ZNF740: variants seen among roughly 807,000 people sequenced by gnomAD.
The protein encoded by ZNF740 is zinc finger protein 740, also known as oriLyt TD-element-binding protein 7.
A neutral mutation model predicts 24.8 loss-of-function variants in ZNF740; 14 were observed. The observed-to-expected ratio is 0.56, with a 90% CI of 0.37 to 0.88. The LOEUF (loss-of-function observed/expected upper bound fraction) is 0.88. ZNF740 is among the 40% of genes least tolerant of loss of function. ZNF740 has a pLI of 0.00. For missense variants in ZNF740, 201 were observed against 247.9 expected, an observed-to-expected ratio of 0.81 and a Z score of 1.27; for synonymous variants, 69 against 84.0, an observed-to-expected ratio of 0.82 and a Z score of 0.98.
chr12:53,185,250 G>A lies in ZNF740; in HGVS notation c.160-137G>A, dbSNP rs1030162057. Reference sequence around the variant, plus strand: ...CTTTTAAGACCAGGTGCTTGGAGAGGAAATAGTTGTATACTTCCTCTAAGC... The same window carrying A: ...CTTTTAAGACCAGGTGCTTGGAGAGAAAATAGTTGTATACTTCCTCTAAGC... On this transcript the variant is annotated intron_variant, in intron 3 of 6. Transcript: ENST00000416904. 7 of 1,162,780 alleles carry A rather than the reference G, an allele frequency of 6.0e-6. No individual in the cohort carries two copies. The South Asian group carries it at 1.1e-4, about 18-fold the overall frequency. 72.0% of individuals were successfully genotyped at this position (1,162,780 alleles called of 1,614,324 possible).
In ZNF740 at chr12:53,194,186, GCT is replaced by G; in HGVS notation, c.*6597_*6598del. On this transcript the variant is annotated 3_prime_UTR_variant, in exon 7 of 7. Coordinates refer to ENST00000416904, the MANE Select transcript of ZNF740 (RefSeq NM_001004304.4). ...CCCTGCCCGCCTTCTGCCTGTGCTTGCTGGCTCTCACCGTCTGGTTGATTCGG... is the reference window on the plus strand; with the variant it reads ...CCCTGCCCGCCTTCTGCCTGTGCTTGGGCTCTCACCGTCTGGTTGATTCGG... 6.2e-7 allele frequency: 1 copy of G among 1,613,842 alleles called. No homozygotes were observed. Among genetic ancestry groups the G allele is most frequent in the Non-Finnish European group, 8.5e-7 (1 of 1,179,882 alleles).
chr12:53,190,959 A>G lies in ZNF740; in HGVS notation c.*3369A>G, dbSNP rs570415948. 3 of 156,552 alleles carry G rather than the reference A, an allele frequency of 1.9e-5. No individual in the cohort carries two copies. The highest frequency in any genetic ancestry group is 4.8e-5 in the African/African-American group (2 of 41,420). 9.7% of individuals were successfully genotyped at this position (156,552 alleles called of 1,614,324 possible). A position where few individuals can be genotyped will look rare whatever the true frequency, so the allele number is the denominator to read the frequency against. ...ATCACCCCACAACTTCCAGCACCCTATAAGCCATTTTAAAACCCCTTCTCC... is the reference window on the plus strand; with the variant it reads ...ATCACCCCACAACTTCCAGCACCCTGTAAGCCATTTTAAAACCCCTTCTCC... On this transcript the variant is annotated 3_prime_UTR_variant, in exon 7 of 7. Transcript: ENST00000416904.
In ZNF740 at chr12:53,192,237, C is replaced by G. The variant is rs1330911802; in HGVS notation, c.*4647C>G. The G allele has an allele frequency of 7.2e-7, 1 of 1,390,320 alleles. No individual in the cohort carries two copies. Among genetic ancestry groups the G allele is most frequent in the Non-Finnish European group, 1.0e-6 (1 of 994,212 alleles). 86.1% of individuals were successfully genotyped at this position (1,390,320 alleles called of 1,614,324 possible). ...TGGATTCACAGTTCTGCTTCAGCCC[C>G]CAGCCTGTTTCCCATTATCTTCACT... On this transcript the variant is annotated 3_prime_UTR_variant, in exon 7 of 7. Transcript: ENST00000416904.
At chr12:53,184,864 C>T (rs1303712106) in intron 2 of ZNF740, 27 bp from the exon 3 acceptor site, 3 of 1,603,264 alleles carry the variant, frequency 1.9e-6, no homozygotes, top group East Asian at 2.2e-5. Flanking sequence ...GCCAGGTGAC[C>T]TGACACCTCA....
In ZNF740 at chr12:53,193,523, T is replaced by A. The variant is rs1396569345; in HGVS notation, c.*5933T>A. On this transcript the variant is annotated 3_prime_UTR_variant, in exon 7 of 7. Transcript: ENST00000416904. ...AGTGAAACACTGAGGGGTGAGAGAG[T>A]GGAGGGAGCCCCAGTCAGGGGGAGG... 4 of 727,608 alleles carry A rather than the reference T, an allele frequency of 5.5e-6. No individual in the cohort carries two copies. In the African/African-American group the frequency reaches 7.2e-5, roughly 13 times the overall value. The allele number at this position is 727,608 out of a possible 1,614,324, so 45.1% of individuals were successfully genotyped here. A position where few individuals can be genotyped will look rare whatever the true frequency, so the allele number is the denominator to read the frequency against.
In ZNF740 at chr12:53,186,499, G is replaced by T; in HGVS notation, c.482G>T (p.Arg161Leu). 6.4e-7 allele frequency: 1 copy of T among 1,566,284 alleles called. No individual in the cohort carries two copies. Among genetic ancestry groups the T allele is most frequent in the South Asian group, 1.2e-5 (1 of 84,952 alleles). Residue 161 changes from arginine to leucine, a missense_variant, in exon 6 of 7, where the codon CGG becomes CTG. Around this residue, in one of 3 missense-constraint regions of ZNF740, gnomAD observed 60 missense variants for 107.8 expected, o/e 0.56. Coordinates refer to ENST00000416904, the MANE Select transcript of ZNF740 (RefSeq NM_001004304.4). ...HSGEKPYQCE[R>L]CHQCFSRTDR... is the part of the protein sequence containing the mutation. ...GGTGAAAAGCCTTACCAGTGTGAAC[G>T]GTGTCATCAGGTAAGGCTCATCCCT...
At chr12:53,185,507 A>G in intron 4 of ZNF740, 31 bp downstream of exon 4, 1 of 1,580,210 alleles carries the variant, frequency 6.3e-7, no homozygotes. Flanking sequence ...CCAAACTCAT[A>G]CAGTTTGGTA....
At chr12:53,182,477 T>C (rs1385124238) in intron 2 of ZNF740, among the ~76,000 whole-genome samples, 1 of 152,040 alleles carries the variant, frequency 6.6e-6, no homozygotes, top group Non-Finnish European at 1.5e-5. Flanking sequence ...CAATGCCTTG[T>C]ATAGTGGCTG....
chr12:53,187,135 G>T (rs749298990), intron 6 of ZNF740, among the ~76,000 whole-genome samples: 3 of 152,252 alleles, frequency 2.0e-5, no homozygotes, highest in Non-Finnish European at 2.9e-5. Flanking sequence ...CAGAGACTTT[G>T]TTCCTCTGGT....
At chr12:53,185,736 T>C (rs1487580101) in intron 4 of ZNF740, among the ~76,000 whole-genome samples, 2 of 152,228 alleles carry the variant, frequency 1.3e-5, no homozygotes, top group Non-Finnish European at 2.9e-5. Context: ...GCTCAAGTCA[T>C]ACTCAGACTG....
chr12:53,181,737 G>A lies in ZNF740; in HGVS notation c.-247G>A, dbSNP rs1941651356. On this transcript the variant is annotated 5_prime_UTR_variant, in exon 2 of 7. Transcript: ENST00000416904. The stretch of plus-strand genomic sequence containing the variant: ...TTCAACTGGAAAACCAAGACTGGTA[G>A]ACTCTCTTTTTCTTCAGACAATAGG... 1.9e-6 allele frequency: 1 copy of A among 539,478 alleles called. No individual in the cohort carries two copies. Among genetic ancestry groups the A allele is most frequent in the Admixed American group, 3.7e-5 (1 of 26,860 alleles). The allele number at this position is 539,478 out of a possible 1,614,324, so 33.4% of individuals were successfully genotyped here. A position where few individuals can be genotyped will look rare whatever the true frequency, so the allele number is the denominator to read the frequency against.
rs989237764 is a variant in ZNF740 at position 53,195,045 on chromosome 12, T to C, written c.*7455T>C. 11 of 300,294 alleles carry C rather than the reference T, an allele frequency of 3.7e-5. No individual in the cohort carries two copies. Among genetic ancestry groups the C allele is most frequent in the Admixed American group, 1.8e-4 (4 of 22,728 alleles). The allele number at this position is 300,294 out of a possible 1,614,324, so 18.6% of individuals were successfully genotyped here. On this transcript the variant is annotated 3_prime_UTR_variant, in exon 7 of 7. Coordinates refer to ENST00000416904, the MANE Select transcript of ZNF740 (RefSeq NM_001004304.4). ...TGTAAAATAGGGATGGTAACAGTTA[T>C]GAAGCAAGGCTTTTGGCAGGGTTAA...
chr12:53,190,292 C>T lies in ZNF740; in HGVS notation c.*2702C>T, dbSNP rs143415157. 26 of 152,842 alleles carry T rather than the reference C, an allele frequency of 1.7e-4. No individual in the cohort carries two copies. Among genetic ancestry groups the T allele is most frequent in the African/African-American group, 6.0e-4 (25 of 41,584 alleles). The allele number at this position is 152,842 out of a possible 1,614,324, so 9.5% of individuals were successfully genotyped here. ...AGGCTCCTGGGCCCAATGCCCGACCCCTGCTGGCCAGCATGGGGCCTAGCA... is the reference window on the plus strand; with the variant it reads ...AGGCTCCTGGGCCCAATGCCCGACCTCTGCTGGCCAGCATGGGGCCTAGCA... On this transcript the variant is annotated 3_prime_UTR_variant, in exon 7 of 7. Coordinates refer to ENST00000416904, the MANE Select transcript of ZNF740 (RefSeq NM_001004304.4).
In ZNF740 at chr12:53,187,599, G is replaced by A; in HGVS notation, c.*9G>A. On this transcript the variant is annotated 3_prime_UTR_variant, in exon 7 of 7. Coordinates refer to ENST00000416904, the MANE Select transcript of ZNF740 (RefSeq NM_001004304.4). The stretch of plus-strand genomic sequence containing the variant: ...GGCAGTTTTCTCTATAGGCGCAAGG[G>A]GCCCCGGGTGGTGGGAGTGATCAGA... The A allele has an allele frequency of 6.2e-7, 1 of 1,612,764 alleles. No individual in the cohort carries two copies.
chr12:53,182,696 T>G (rs1386258453), intron 2 of ZNF740, among the ~76,000 whole-genome samples: 1 of 152,158 alleles, frequency 6.6e-6, no homozygotes, highest in African/African-American at 2.4e-5. Context: ...GTGATGAGGT[T>G]CCGAGTACTG....
chr12:53,184,737 T>C (rs896118921), intron 2 of ZNF740, among the ~76,000 whole-genome samples, 154 bp from the exon 3 acceptor site: 6 of 152,196 alleles, frequency 3.9e-5, no homozygotes, highest in Admixed American at 6.5e-5. Context: ...TAGGGAGGAC[T>C]CTTGAAGGAA....
rs1295194512 is a variant in ZNF740 at position 53,189,484 on chromosome 12, C to T, written c.*1894C>T. ...GGGGTTGGGGAGGGGGTTGTCCATACCTCTGTGGTATGAGTATTTCAGGGA... is the reference window on the plus strand; with the variant it reads ...GGGGTTGGGGAGGGGGTTGTCCATATCTCTGTGGTATGAGTATTTCAGGGA... On this transcript the variant is annotated 3_prime_UTR_variant, in exon 7 of 7. Coordinates refer to ENST00000416904, the MANE Select transcript of ZNF740 (RefSeq NM_001004304.4). 6.6e-6 allele frequency: 1 copy of T among 152,092 alleles called. No individual in the cohort carries two copies. Among genetic ancestry groups the T allele is most frequent in the East Asian group, 1.9e-4 (1 of 5,190 alleles). The allele number at this position is 152,092 out of a possible 1,614,324, so 9.4% of individuals were successfully genotyped here. A position where few individuals can be genotyped will look rare whatever the true frequency, so the allele number is the denominator to read the frequency against.
Position 53,193,582 on chromosome 12 carries a change from A to C in ZNF740, c.*5992A>C. 2.2e-6 allele frequency: 2 copies of C among 901,524 alleles called. No individual in the cohort carries two copies. Among genetic ancestry groups the C allele is most frequent in the East Asian group, 2.7e-5 (1 of 37,472 alleles). The allele number at this position is 901,524 out of a possible 1,614,324, so 55.8% of individuals were successfully genotyped here. ...ATACATGGGAAGCTTCAAGGGATGA[A>C]ACTGAGTGGGGAGTCGGGATGTCGA... On this transcript the variant is annotated 3_prime_UTR_variant, in exon 7 of 7. Transcript: ENST00000416904.
At chr12:53,184,154 C>T (rs11170460) in intron 2 of ZNF740, among the ~76,000 whole-genome samples, 8,036 of 92,882 alleles carry the variant, frequency 0.087, 310 homozygotes, top group East Asian at 0.2. Flanking sequence ...TGTGTGTGCG[C>T]GCGCGCGCTC....
Sources: gnomAD v4.1 joint callset for allele counts (sites outside exome capture counted in the v4.1 genomes callset) on GRCh38, gnomAD v4.1.1 for gene constraint, gnomAD v4.1.1 regional missense constraint, MANE v1.5 for transcripts, NCBI Gene and HGNC (gene_info 2026-07-23, HGNC 2026-07-21) for gene names.